Variants in PIP5K1B observed in about 807,000 individuals in gnomAD.
The protein encoded by PIP5K1B is phosphatidylinositol 4-phosphate 5-kinase type-1 beta.
A neutral mutation model predicts 67.0 loss-of-function variants in PIP5K1B; 42 were observed. The observed-to-expected ratio is 0.63, with a 90% CI of 0.49 to 0.81. The LOEUF (loss-of-function observed/expected upper bound fraction) is 0.81, where lower values mean the gene tolerates loss of function less well. PIP5K1B is among the 30% of genes least tolerant of loss of function. The probability of loss-of-function intolerance (pLI) is 0.00; values close to 1 mark genes in which losing one functional copy is unlikely to be tolerated. For missense variants in PIP5K1B, 459 were observed against 646.3 expected, an observed-to-expected ratio of 0.71 and a Z score of 3.14; for synonymous variants, 214 against 231.4, an observed-to-expected ratio of 0.92 and a Z score of 0.68.
intron 13 of PIP5K1B, among the ~76,000 whole-genome samples, chr9:68,937,292 G>A (rs560601023): frequency 6.6e-6 from 1 of 152,298 alleles, no homozygotes; most frequent in East Asian, 1.9e-4. Flanking sequence ...TTCAGAACTT[G>A]TTGTTGGTTT....
chr9:68,782,766 T>C (rs887358654), intron 2 of PIP5K1B: 9 of 167,110 alleles, frequency 5.4e-5, no homozygotes, highest in African/African-American at 1.4e-4. Flanking sequence ...GCCTGACTTC[T>C]TGTTGGGTAA....
chr9:69,007,943 T>A (rs1831166657), intron 15 of PIP5K1B, among the ~76,000 whole-genome samples: 1 of 152,130 alleles, frequency 6.6e-6, no homozygotes, highest in Admixed American at 6.6e-5. Flanking sequence ...CCCACATATA[T>A]CATAGTGCTG....
chr9:68,936,694 C>A (rs567365172), intron 13 of PIP5K1B, among the ~76,000 whole-genome samples: 1 of 152,194 alleles, frequency 6.6e-6, no homozygotes, highest in East Asian at 1.9e-4. Context: ...CCAACTTTTA[C>A]CTGGAGTTAA....
intron 4 of PIP5K1B, among the ~76,000 whole-genome samples, chr9:68,832,182 G>A (rs1456692469): frequency 6.6e-6 from 1 of 152,208 alleles, no homozygotes; most frequent in Non-Finnish European, 1.5e-5. Flanking sequence ...GATGACTAAA[G>A]TGATCATTTC....
In PIP5K1B at chr9:68,989,142, G is replaced by GTT. The variant is rs563683877; in HGVS notation, c.1503-1989_1503-1988dup. ...AAAATCCACACAATTCTTTTAACAA[G>GTT]TTTTTTTTTTAATATTAAAAAGGTC... is the stretch of plus-strand genomic sequence containing the variant. On this transcript the variant is annotated intron_variant, in intron 14 of 15. Transcript: ENST00000265382. 4.9e-3 allele frequency among the ~76,000 whole-genome samples: 647 copies of GTT among 131,430 alleles called. 4 individuals are homozygous for GTT. Among genetic ancestry groups the GTT allele is most frequent in the African/African-American group, 0.017 (598 of 35,658 alleles). 86.2% of individuals were successfully genotyped at this position (131,430 alleles called of 152,430 possible). A position where few individuals can be genotyped will look rare whatever the true frequency, so the allele number is the denominator to read the frequency against.
At chr9:68,787,721 C>T (rs550731234) in intron 2 of PIP5K1B, among the ~76,000 whole-genome samples, 10 of 152,246 alleles carry the variant, frequency 6.6e-5, no homozygotes, top group African/African-American at 2.4e-4. Context: ...CAACCTCCGC[C>T]TCCCGGGTTC....
chr9:68,849,332 G>GA (rs894551717), intron 4 of PIP5K1B, among the ~76,000 whole-genome samples: 12 of 151,658 alleles, frequency 7.9e-5, no homozygotes, highest in African/African-American at 2.9e-4. Flanking sequence ...GTATTTGGGG[G>GA]AAAAAAAAGC....
chr9:68,726,969 C>G lies in PIP5K1B; in HGVS notation c.-242-15532C>G, dbSNP rs567358249. Among the ~76,000 whole-genome samples the G allele has an allele frequency of 6.0e-5, 9 of 151,218 alleles. No individual in the cohort carries two copies. In the East Asian group the frequency reaches 1.7e-3, roughly 29 times the overall value. On this transcript the variant is annotated intron_variant, in intron 1 of 15. Transcript: ENST00000265382. ...AAGGTGCTAAACTCTTGTATTGATT[C>G]TAGTAAAGTTGTTGTTTTTTTTTTT... is the stretch of plus-strand genomic sequence containing the variant.
intron 2 of PIP5K1B, among the ~76,000 whole-genome samples, chr9:68,766,941 T>C (rs1264720012): frequency 2.0e-5 from 3 of 152,198 alleles, no homozygotes; most frequent in Non-Finnish European, 2.9e-5. Flanking sequence ...AAAAATGTTA[T>C]CAAAAGATGC....
intron 2 of PIP5K1B, among the ~76,000 whole-genome samples, chr9:68,759,448 CA>C (rs1830087899): frequency 6.6e-6 from 1 of 151,810 alleles, no homozygotes; most frequent in Non-Finnish European, 1.5e-5. Flanking sequence ...AAAACTAAAA[CA>C]TGTCAAGAAA....
In PIP5K1B at chr9:68,781,045, C is replaced by G. The variant is rs368040969; in HGVS notation, c.-85-37416C>G. On this transcript the variant is annotated intron_variant, in intron 2 of 15. Transcript: ENST00000265382. ...TCTAAGTGATTCACTCATCCTGAGA[C>G]TTTCTTTTTGCAGTGGAGAGAGAGA... 52 of 1,602,060 alleles carry G rather than the reference C, an allele frequency of 3.2e-5. No individual in the cohort carries two copies. In the Middle Eastern group the frequency reaches 1.0e-3, roughly 31 times the overall value.
intron 3 of PIP5K1B, among the ~76,000 whole-genome samples, chr9:68,819,069 A>G (rs1200629889): frequency 6.6e-6 from 1 of 152,214 alleles, no homozygotes. Flanking sequence ...CCATTTAAAA[A>G]TGAACAATTC....
intron 4 of PIP5K1B, among the ~76,000 whole-genome samples, chr9:68,862,562 T>C (rs939701266): frequency 5.9e-5 from 9 of 151,988 alleles, no homozygotes; most frequent in African/African-American, 2.2e-4. Context: ...GGGGCTGAGG[T>C]GGGCAGATCA....
At chr9:68,764,815 G>A (rs1183329208) in intron 2 of PIP5K1B, among the ~76,000 whole-genome samples, 1 of 151,960 alleles carries the variant, frequency 6.6e-6, no homozygotes, top group Non-Finnish European at 1.5e-5. Context: ...ATGTAGCAAA[G>A]AAAAATTGAT....
chr9:68,748,229 T>A lies in PIP5K1B; in HGVS notation c.-86+5572T>A, dbSNP rs935686209. On this transcript the variant is annotated intron_variant, in intron 2 of 15. Transcript: ENST00000265382. ...GACTTGAGTCAGTGCTTCATTCCTT[T>A]TTACAGCTGAATGCCCAATATTTTT... Among the ~76,000 whole-genome samples the A allele has an allele frequency of 8.5e-5, 13 of 152,354 alleles. No homozygotes were observed. The South Asian group carries it at 2.5e-3, about 29-fold the overall frequency.
Position 68,856,814 on chromosome 9 carries a change from A to T in PIP5K1B, c.70-7023A>T, listed in dbSNP as rs77608300. Among the ~76,000 whole-genome samples the T allele has an allele frequency of 1.1e-4, 17 of 152,342 alleles. No individual in the cohort carries two copies. In the East Asian group the frequency reaches 3.3e-3, roughly 29 times the overall value. On this transcript the variant is annotated intron_variant, in intron 4 of 15. Coordinates refer to ENST00000265382, the MANE Select transcript of PIP5K1B (RefSeq NM_003558.4). ...CAACACGGGAAAAAATGCCAGGGTC[A>T]ATCCTGAAGTAGAGGAGTGTGATCC... is the stretch of plus-strand genomic sequence containing the variant.
chr9:68,773,053 T>A (rs59550441), intron 2 of PIP5K1B, among the ~76,000 whole-genome samples: 48,216 of 152,046 alleles, frequency 0.32, 7,801 homozygotes, highest in Admixed American at 0.37. Context: ...GGAAGTATGA[T>A]AATCTGACTC....
chr9:68,735,176 G>A (rs1469742327), intron 1 of PIP5K1B, among the ~76,000 whole-genome samples: 3 of 152,036 alleles, frequency 2.0e-5, no homozygotes, highest in African/African-American at 7.2e-5. Flanking sequence ...TACAAATGTA[G>A]TGAGAGAATT....
At chr9:68,780,467 G>C in intron 2 of PIP5K1B, 2 of 1,614,208 alleles carry the variant, frequency 1.2e-6, no homozygotes, top group Non-Finnish European at 1.7e-6. Context: ...ACCGAGAGAC[G>C]GTCCACGAAC....
Sources: gnomAD v4.1 joint callset for allele counts (sites outside exome capture counted in the v4.1 genomes callset) on GRCh38, gnomAD v4.1.1 for gene constraint, MANE v1.5 for transcripts, NCBI Gene and HGNC (gene_info 2026-07-23, HGNC 2026-07-21) for gene names.